Variants in KCNQ1 observed in about 807,000 individuals in gnomAD.
KCNQ1 encodes the protein potassium voltage-gated channel subfamily Q member 1.
Under a neutral mutation model 72.4 loss-of-function variants are expected in KCNQ1, and 49 were observed. The ratio of observed to expected loss-of-function variants is 0.68; its 90% CI spans 0.54 to 0.86. The LOEUF (loss-of-function observed/expected upper bound fraction) is 0.86, where lower values mean the gene tolerates loss of function less well. Among genes scored for constraint, KCNQ1 ranks in the 40% least tolerant of loss-of-function variants. The pLI, the probability that KCNQ1 is intolerant of heterozygous loss-of-function variation, is 0.00. For missense variants in KCNQ1, 790 were observed against 945.1 expected (o/e 0.84, Z 2.15); for synonymous variants, 450 against 412.6 (o/e 1.09, Z -1.10).
rs1190956478 is a variant in KCNQ1 at position 2,562,322 on chromosome 11, C to T, written c.478-8306C>T. 6.6e-6 allele frequency among the ~76,000 whole-genome samples: 1 copy of T among 152,132 alleles called. No individual in the cohort carries two copies. The highest frequency in any genetic ancestry group is 1.5e-5 in the Non-Finnish European group (1 of 67,988). ...AGGCTGGCGGCTGGGAGCAGCTGGC[C>T]ACAGGCAGGCCCTGGGACAAAGGGC... On this transcript the variant is annotated intron_variant, in intron 2 of 15. Coordinates refer to ENST00000155840, the MANE Select transcript of KCNQ1 (RefSeq NM_000218.3). The surrounding 1 kb of genome is among the most constrained non-coding windows in gnomAD (Gnocchi z 7.5).
At chr11:2,517,511 CTCTG>C (rs564427945) in intron 1 of KCNQ1, among the ~76,000 whole-genome samples, 32 of 152,318 alleles carry the variant, frequency 2.1e-4, no homozygotes, top group African/African-American at 7.2e-4. Flanking sequence ...CGCCTCACCT[CTCTG>C]TCTGGCAGGA....
At chr11:2,542,465 A>G (rs2095692875) in intron 2 of KCNQ1, among the ~76,000 whole-genome samples, 1 of 152,274 alleles carries the variant, frequency 6.6e-6, no homozygotes, top group Admixed American at 6.5e-5. Flanking sequence ...TTGTTGAGGT[A>G]TAATTGGCAT....
rs925690688 is a variant in KCNQ1 at position 2,620,324 on chromosome 11, C to T, written c.1393+31470C>T. 1 of 202,434 alleles carries T rather than the reference C, an allele frequency of 4.9e-6. No individual in the cohort carries two copies. The highest frequency in any genetic ancestry group is 2.3e-5 in the African/African-American group (1 of 42,976). 12.5% of individuals were successfully genotyped at this position (202,434 alleles called of 1,614,324 possible). On this transcript the variant is annotated intron_variant, in intron 10 of 15. Coordinates refer to ENST00000155840, the MANE Select transcript of KCNQ1 (RefSeq NM_000218.3). The surrounding 1 kb of genome is among the most constrained non-coding windows in gnomAD (Gnocchi z 4.5). ...CTCCGCCTACCGGGTTCAAGTGATTCTCCTGCCTCAGCCTCCTGAGTAGCT... is the reference window on the plus strand; with the variant it reads ...CTCCGCCTACCGGGTTCAAGTGATTTTCCTGCCTCAGCCTCCTGAGTAGCT...
At chr11:2,702,802 T>C (rs1410787763) in intron 11 of KCNQ1, among the ~76,000 whole-genome samples, 1 of 152,154 alleles carries the variant, frequency 6.6e-6, no homozygotes, top group Non-Finnish European at 1.5e-5. Flanking sequence ...AAGGAGCCTG[T>C]CACTATTGTT....
chr11:2,827,750 G>A lies in KCNQ1; in HGVS notation c.1795-20017G>A, dbSNP rs1049085097. On this transcript the variant is annotated intron_variant, in intron 15 of 15. Transcript: ENST00000155840. The surrounding 1 kb of genome is among the most constrained non-coding windows in gnomAD (Gnocchi z 6.7). The stretch of plus-strand genomic sequence containing the variant: ...AGAAGGACTCAGATAGGAGTTGGGC[G>A]CTTGAGGGAGGAAATGGGGGTACAC... Among the ~76,000 whole-genome samples the A allele has an allele frequency of 9.2e-5, 14 of 152,176 alleles. No homozygotes were observed. Among genetic ancestry groups the A allele is most frequent in the Admixed American group, 5.9e-4 (9 of 15,280 alleles).
rs1310553789 is a variant in KCNQ1 at position 2,623,685 on chromosome 11, C to T, written c.1393+34831C>T. ...TCTACTCACCTATGGAAGGACATCT[C>T]GGTTGCTTCCAATTTCAACAATCAC... is the stretch of plus-strand genomic sequence containing the variant. On this transcript the variant is annotated intron_variant, in intron 10 of 15. Coordinates refer to ENST00000155840, the MANE Select transcript of KCNQ1 (RefSeq NM_000218.3). This position sits in a 1 kb window ranked among gnomAD's most constrained non-coding sequence, Gnocchi z 5.2. The T allele has an allele frequency of 2.3e-5, 9 of 398,374 alleles. No homozygotes were observed. The highest frequency in any genetic ancestry group is 1.2e-4 in the African/African-American group (6 of 48,616). 24.7% of individuals were successfully genotyped at this position (398,374 alleles called of 1,614,324 possible). A position where few individuals can be genotyped will look rare whatever the true frequency, so the allele number is the denominator to read the frequency against.
intron 1 of KCNQ1, among the ~76,000 whole-genome samples, chr11:2,517,903 G>A (rs1047755632): frequency 2.5e-4 from 38 of 152,224 alleles, no homozygotes; most frequent in African/African-American, 8.4e-4. Context: ...ACCACGTCCT[G>A]CTCAAAGGCC....
In KCNQ1 at chr11:2,678,973, G is replaced by C. The variant is rs1850341518; in HGVS notation, c.1514+16892G>C. The C allele has an allele frequency of 2.5e-6, 1 of 398,574 alleles. No individual in the cohort carries two copies. The highest frequency in any genetic ancestry group is 4.4e-6 in the Non-Finnish European group (1 of 226,060). The allele number at this position is 398,574 out of a possible 1,614,324, so 24.7% of individuals were successfully genotyped here. ...TCAATAGAGAACAAAAGAGCAAATA[G>C]GCCTAATTCAAGAATTTTTAAAAAC... On this transcript the variant is annotated intron_variant, in intron 11 of 15. Transcript: ENST00000155840. This position sits in a 1 kb window ranked among gnomAD's most constrained non-coding sequence, Gnocchi z 4.9.
intron 10 of KCNQ1, chr11:2,646,618 G>C (rs996759656): frequency 2.5e-6 from 1 of 398,434 alleles, no homozygotes; most frequent in Admixed American, 4.4e-5. Flanking sequence ...CTTCACCTCC[G>C]AGGTTCAAGT....
At chr11:2,514,464 C>A (rs1190826412) in intron 1 of KCNQ1, among the ~76,000 whole-genome samples, 2 of 152,212 alleles carry the variant, frequency 1.3e-5, no homozygotes, top group African/African-American at 2.4e-5. Context: ...TTTCCAGGGA[C>A]ACCCAGTGTT....
At position 2,497,600 on chromosome 11, in the gene KCNQ1, TG is replaced by T. The variant is rs758745694; in HGVS notation, c.387-30325del. ...TATCAGGTTCTTAGCTTCCTTGCAT[TG>T]GGTTAGAACATGCTTCTCTAGCTCA... On this transcript the variant is annotated intron_variant, in intron 1 of 15. Coordinates refer to ENST00000155840, the MANE Select transcript of KCNQ1 (RefSeq NM_000218.3). The surrounding 1 kb of genome is among the most constrained non-coding windows in gnomAD (Gnocchi z 4.5). Among the ~76,000 whole-genome samples, 5 of 152,234 alleles carry T rather than the reference TG, an allele frequency of 3.3e-5. No individual in the cohort carries two copies. Among genetic ancestry groups the T allele is most frequent in the African/African-American group, 4.8e-5 (2 of 41,458 alleles).
At chr11:2,758,694 A>T (rs1431971625) in intron 11 of KCNQ1, among the ~76,000 whole-genome samples, 1 of 152,246 alleles carries the variant, frequency 6.6e-6, no homozygotes, top group Non-Finnish European at 1.5e-5. Flanking sequence ...ACAGTGGTGC[A>T]TCCCTACCCT....
rs538962736 is a variant in KCNQ1 at position 2,592,162 on chromosome 11, A to G, written c.1393+3308A>G. Among the ~76,000 whole-genome samples, 1 of 152,226 alleles carries G rather than the reference A, an allele frequency of 6.6e-6. No individual in the cohort carries two copies. Among genetic ancestry groups the G allele is most frequent in the Non-Finnish European group, 1.5e-5 (1 of 68,036 alleles). ...ACCTGTCTGCGCCATCCACCTGCAC[A>G]CAAGCCCCTTCAGCTCGTGCTCTAG... is the stretch of plus-strand genomic sequence containing the variant. On this transcript the variant is annotated intron_variant, in intron 10 of 15. Transcript: ENST00000155840. This position sits in a 1 kb window ranked among gnomAD's most constrained non-coding sequence, Gnocchi z 5.2.
rs569668225 is a variant in KCNQ1 at position 2,683,567 on chromosome 11, G to C, written c.1514+21486G>C. The C allele has an allele frequency of 5.0e-6, 2 of 398,596 alleles. No individual in the cohort carries two copies. Among genetic ancestry groups the C allele is most frequent in the African/African-American group, 4.1e-5 (2 of 48,732 alleles). 24.7% of individuals were successfully genotyped at this position (398,596 alleles called of 1,614,324 possible). Reference sequence around the variant, plus strand: ...GGTAGAAGCCCCTACCTACTGACTGGCATCACAAACACTGCCCTGAAATGC... The same window carrying C: ...GGTAGAAGCCCCTACCTACTGACTGCCATCACAAACACTGCCCTGAAATGC... On this transcript the variant is annotated intron_variant, in intron 11 of 15. Transcript: ENST00000155840. The surrounding 1 kb of genome is among the most constrained non-coding windows in gnomAD (Gnocchi z 4.7).
At chr11:2,575,176 C>A (rs1288943610) in intron 6 of KCNQ1, among the ~76,000 whole-genome samples, 1 of 152,204 alleles carries the variant, frequency 6.6e-6, no homozygotes, top group Admixed American at 6.5e-5. Context: ...CCCCCCAGCC[C>A]GCAGCAGAGC....
chr11:2,465,268 C>T (rs983234596), intron 1 of KCNQ1, among the ~76,000 whole-genome samples: 6 of 152,214 alleles, frequency 3.9e-5, no homozygotes, highest in East Asian at 3.9e-4. Context: ...AAGCTGGCAC[C>T]GTGACCCCTT....
At position 2,579,018 on chromosome 11, in the gene KCNQ1, T is replaced by A. The variant is rs1170774388; in HGVS notation, c.922-4417T>A. 6.6e-6 allele frequency among the ~76,000 whole-genome samples: 1 copy of A among 152,192 alleles called. No individual in the cohort carries two copies. Among genetic ancestry groups the A allele is most frequent in the Non-Finnish European group, 1.5e-5 (1 of 68,030 alleles). ...CTGGGCTACCCCCTCCTCCCGCTCT[T>A]GACCACCCCTTCCTCTGGACAGACG... On this transcript the variant is annotated intron_variant, in intron 6 of 15. Transcript: ENST00000155840. This position sits in a 1 kb window ranked among gnomAD's most constrained non-coding sequence, Gnocchi z 6.0.
In KCNQ1 at chr11:2,455,312, A is replaced by C. The variant is rs61873495; in HGVS notation, c.386+9828A>C. On this transcript the variant is annotated intron_variant, in intron 1 of 15. Transcript: ENST00000155840. ...ACGGGGTTTCACCGTGTTAGCCAGG[A>C]TGGTCTTGATCTCCTGACCTTGTGA... is the stretch of plus-strand genomic sequence containing the variant. Among the ~76,000 whole-genome samples the C allele has an allele frequency of 2.0e-4, 31 of 151,592 alleles. No individual in the cohort carries two copies. In the South Asian group the frequency reaches 2.1e-3, roughly 10 times the overall value.
At chr11:2,656,164 A>G in intron 10 of KCNQ1, 1 of 398,652 alleles carries the variant, frequency 2.5e-6, no homozygotes, top group Non-Finnish European at 4.4e-6. Flanking sequence ...GCAAACATCA[A>G]AATATGTTTT....
Sources: allele counts gnomAD v4.1 joint callset (sites outside exome capture counted in the v4.1 genomes callset), GRCh38; gene constraint gnomAD v4.1.1; non-coding constraint Gnocchi (gnomAD v3.1); transcripts MANE v1.5; gene names NCBI Gene and HGNC (gene_info 2026-07-23, HGNC 2026-07-21).